Variants in MALRD1 observed in about 807,000 individuals in gnomAD.
MALRD1 encodes MAM and LDL receptor class A domain containing 1, also known as MAM and LDL-receptor class A domain-containing protein 1.
A neutral mutation model predicts 242.1 loss-of-function variants in MALRD1; 247 were observed. The ratio of observed to expected loss-of-function variants is 1.02; its 90% CI spans 0.92 to 1.13. MALRD1 has a LOEUF of 1.13. MALRD1 is among the 50% of genes most tolerant of loss of function. The pLI, the probability that MALRD1 is intolerant of heterozygous loss-of-function variation, is 0.00. For missense variants in MALRD1, 2,989 were observed against 2,533.1 expected, an observed-to-expected ratio of 1.18 and a Z score of -3.86; for synonymous variants, 995 against 866.6, an observed-to-expected ratio of 1.15 and a Z score of -2.60.
At chr10:19,555,169 T>C (rs1445915421) in intron 32 of MALRD1, among the ~76,000 whole-genome samples, 1 of 152,108 alleles carries the variant, frequency 6.6e-6, no homozygotes, top group African/African-American at 2.4e-5. Flanking sequence ...GTGGCCAGGC[T>C]TCTTTAAACA....
chr10:19,060,442 T>C (rs1418370910), intron 1 of MALRD1, among the ~76,000 whole-genome samples: 1 of 152,112 alleles, frequency 6.6e-6, no homozygotes, highest in Admixed American at 6.6e-5. Context: ...TCCTTTTTTC[T>C]CTCTCTGGTC....
intron 18 of MALRD1, among the ~76,000 whole-genome samples, chr10:19,248,391 GAA>G (rs35675203): frequency 0.17 from 23,484 of 137,578 alleles, 2,049 homozygotes; most frequent in African/African-American, 0.25. Context: ...AAGGTGCCAT[GAA>G]AAAAAAAAAA....
intron 33 of MALRD1, among the ~76,000 whole-genome samples, chr10:19,592,325 G>T (rs1397157672): frequency 6.6e-6 from 1 of 152,224 alleles, no homozygotes; most frequent in East Asian, 1.9e-4. Context: ...ATACCACGGG[G>T]AGCTCTGGAG....
chr10:19,388,675 C>T (rs912543644), intron 27 of MALRD1, among the ~76,000 whole-genome samples: 1 of 151,984 alleles, frequency 6.6e-6, no homozygotes, highest in Non-Finnish European at 1.5e-5. Flanking sequence ...TTGGGCATGG[C>T]TCATTTTTGT....
At chr10:19,369,255 CTTATG>C (rs1199152627) in intron 26 of MALRD1, among the ~76,000 whole-genome samples, 1 of 144,948 alleles carries the variant, frequency 6.9e-6, no homozygotes, top group Non-Finnish European at 1.5e-5. Flanking sequence ...TAAATATACA[CTTATG>C]TTGTATACAT....
At chr10:19,116,778 G>A (rs145105156) in intron 5 of MALRD1, among the ~76,000 whole-genome samples, 32 of 152,228 alleles carry the variant, frequency 2.1e-4, no homozygotes, top group African/African-American at 7.0e-4. Flanking sequence ...CTGCCAGATT[G>A]TGGTACAAAG....
chr10:19,710,780 T>G (rs1834073312), intron 38 of MALRD1: 1 of 152,180 alleles, frequency 6.6e-6, no homozygotes, highest in Non-Finnish European at 1.5e-5. Context: ...GGTTGTAGCG[T>G]TTTTCCACAT....
At chr10:19,691,429 A>G (rs979399041) in intron 36 of MALRD1, among the ~76,000 whole-genome samples, 3 of 151,998 alleles carry the variant, frequency 2.0e-5, no homozygotes, top group African/African-American at 7.2e-5. Context: ...TGCTTCTAAC[A>G]CTCAGTTTTT....
chr10:19,590,517 C>T (rs1405779300), intron 33 of MALRD1, among the ~76,000 whole-genome samples: 1 of 151,540 alleles, frequency 6.6e-6, no homozygotes, highest in African/African-American at 2.4e-5. Flanking sequence ...TAGAGTGTGC[C>T]TTAAAGTCAG....
At chr10:19,663,028 A>G (rs1841515906) in intron 36 of MALRD1, among the ~76,000 whole-genome samples, 2 of 151,946 alleles carry the variant, frequency 1.3e-5, no homozygotes, top group African/African-American at 4.8e-5. Flanking sequence ...ATTTTATTTT[A>G]TTTATTTTTA....
At chr10:19,574,388 C>T (rs1256914499) in intron 33 of MALRD1, among the ~76,000 whole-genome samples, 1 of 152,172 alleles carries the variant, frequency 6.6e-6, no homozygotes, top group Non-Finnish European at 1.5e-5. Flanking sequence ...GTAAAAGTCA[C>T]TATCAGATGA....
intron 38 of MALRD1, among the ~76,000 whole-genome samples, chr10:19,692,920 A>T (rs1833168663): frequency 6.8e-6 from 1 of 146,862 alleles, no homozygotes; most frequent in South Asian, 2.1e-4. Flanking sequence ...CTGGTTCAAC[A>T]TACACAAATC....
At chr10:19,703,913 A>C (rs917801648) in intron 38 of MALRD1, among the ~76,000 whole-genome samples, 1 of 152,166 alleles carries the variant, frequency 6.6e-6, no homozygotes, top group African/African-American at 2.4e-5. Flanking sequence ...ATAAATAAAT[A>C]AAATAAAAAT....
chr10:19,549,256 G>A (rs561161284), intron 32 of MALRD1, among the ~76,000 whole-genome samples: 19 of 152,350 alleles, frequency 1.2e-4, no homozygotes, highest in Admixed American at 5.9e-4. Flanking sequence ...AAGTGAAGCA[G>A]AAAGTGCTGA....
At chr10:19,372,626 C>A (rs1440244791) in intron 26 of MALRD1, among the ~76,000 whole-genome samples, 1 of 151,816 alleles carries the variant, frequency 6.6e-6, no homozygotes, top group Non-Finnish European at 1.5e-5. Context: ...CATTATCACG[C>A]CTGGCTAATT....
At chr10:19,114,137 A>G (rs1836788223) in intron 5 of MALRD1, among the ~76,000 whole-genome samples, 1 of 152,246 alleles carries the variant, frequency 6.6e-6, no homozygotes, top group Non-Finnish European at 1.5e-5. Context: ...TGTGCTAAGA[A>G]TATTATATTA....
intron 11 of MALRD1, among the ~76,000 whole-genome samples, chr10:19,153,611 C>T (rs948336408): frequency 1.3e-5 from 2 of 151,850 alleles, no homozygotes; most frequent in Non-Finnish European, 2.9e-5. Context: ...ATTGTTTGAA[C>T]CCAGGAGTTC....
In MALRD1 at chr10:19,218,174, A is replaced by G. The variant is rs539861965; in HGVS notation, c.2991+8494A>G. 3.9e-5 allele frequency among the ~76,000 whole-genome samples: 6 copies of G among 152,268 alleles called. No individual in the cohort carries two copies. The East Asian group carries it at 7.7e-4, about 20-fold the overall frequency. The stretch of plus-strand genomic sequence containing the variant: ...ATTATATATTTTTATTTCAGTTTCA[A>G]TAAATGATCAATTTATTAATTTTCT... On this transcript the variant is annotated intron_variant, in intron 18 of 39. Transcript: ENST00000454679.
intron 13 of MALRD1, among the ~76,000 whole-genome samples, chr10:19,170,016 T>C (rs10827006): frequency 0.098 from 14,984 of 152,250 alleles, 816 homozygotes; most frequent in East Asian, 0.18. Flanking sequence ...ATGTCAATTG[T>C]AGACAATATA....
Sources: gnomAD v4.1 joint callset for allele counts (sites outside exome capture counted in the v4.1 genomes callset) on GRCh38, gnomAD v4.1.1 for gene constraint, MANE v1.5 for transcripts, NCBI Gene and HGNC (gene_info 2026-07-23, HGNC 2026-07-21) for gene names.